Variants in RGS22 observed in about 807,000 individuals in gnomAD.
RGS22 encodes the protein regulator of G protein signaling 22.
Under a neutral mutation model 172.9 loss-of-function variants are expected in RGS22, and 148 were observed. The observed-to-expected ratio is 0.86, with a 90% CI of 0.75 to 0.98. RGS22 has a LOEUF of 0.98. Among genes scored for constraint, RGS22 ranks in the 50% least tolerant of loss-of-function variants. RGS22 has a pLI of 0.00. For missense variants in RGS22, 1,347 were observed against 1,440.8 expected (o/e 0.93, Z 1.05); for synonymous variants, 458 against 480.2 (o/e 0.95, Z 0.60).
chr8:99,972,482 A>G (rs1410893901), intron 23 of RGS22, among the ~76,000 whole-genome samples: 2 of 152,208 alleles, frequency 1.3e-5, no homozygotes, highest in Non-Finnish European at 2.9e-5. Flanking sequence ...GATTGGGAGA[A>G]AGTTTATGCA....
intron 3 of RGS22, among the ~76,000 whole-genome samples, chr8:100,091,292 T>C (rs1180817417): frequency 3.3e-4 from 44 of 132,818 alleles, no homozygotes; most frequent in Non-Finnish European, 4.8e-5. Context: ...CAAGAGGAAC[T>C]CCAAAAAAAA....
chr8:99,996,107 G>GT (rs1227221485), intron 20 of RGS22, among the ~76,000 whole-genome samples: 1 of 124,710 alleles, frequency 8.0e-6, no homozygotes, highest in African/African-American at 3.0e-5. Flanking sequence ...ACTGGGGCCT[G>GT]TTGGGGGGTG....
At chr8:100,019,950 TCTCGGCTCACCGCAA>T in intron 14 of RGS22, among the ~76,000 whole-genome samples, 1 of 28,234 alleles carries the variant, frequency 3.5e-5, no homozygotes. Context: ...AATGGTGCAA[TCTCGGCTCACCGCAA>T]CCTCCGTCTC....
intron 2 of RGS22, among the ~76,000 whole-genome samples, chr8:100,098,828 C>A (rs1261088677): frequency 2.0e-5 from 2 of 98,584 alleles, no homozygotes; most frequent in East Asian, 2.8e-4. Flanking sequence ...CTGCCCCTGA[C>A]CCCCTTTTAT....
intron 18 of RGS22, among the ~76,000 whole-genome samples, chr8:100,001,160 C>A (rs991521123): frequency 6.9e-6 from 1 of 145,154 alleles, no homozygotes; most frequent in Admixed American, 6.9e-5. Flanking sequence ...ATTTCATGAG[C>A]AGTGTTACAT....
intron 2 of RGS22, among the ~76,000 whole-genome samples, chr8:100,095,055 G>A (rs1212092843): frequency 2.0e-5 from 3 of 152,172 alleles, no homozygotes; most frequent in Non-Finnish European, 2.9e-5. Flanking sequence ...CCTGGTGGAC[G>A]TAAGTATTGC....
chr8:100,001,186 G>A (rs1054372067), intron 18 of RGS22, among the ~76,000 whole-genome samples: 8 of 101,132 alleles, frequency 7.9e-5, no homozygotes, highest in Admixed American at 9.3e-5. Context: ...CAAACCTACC[G>A]CTGAATCCCA....
rs529511396 is a variant in RGS22 at position 100,062,621 on chromosome 8, G to A, written c.1484C>T (p.Ser495Phe). The A allele has an allele frequency of 5.5e-4, 888 of 1,603,912 alleles. 13 individuals carry two copies. The South Asian group carries it at 9.1e-3, about 16-fold the overall frequency. Residue 495 changes from serine (S) to phenylalanine (F), a missense_variant, in exon 9 of 28, where the codon TCT becomes TTT. By Grantham distance (155) the Ser-to-Phe change is radical (BLOSUM62 -2). Coordinates refer to ENST00000360863, the MANE Select transcript of RGS22 (RefSeq NM_015668.5). ...CAGAAGTAAAGGTTTTAAAACTTCA[G>A]ACTGAATATTTCTTAAATGCTCTTC... ...WNEEHLRNIQ[S>F]EVLKPLLLYW...
At chr8:100,069,769 G>A (rs990046299) in intron 6 of RGS22, among the ~76,000 whole-genome samples, 30 of 152,154 alleles carry the variant, frequency 2.0e-4, no homozygotes, top group African/African-American at 6.5e-4. Flanking sequence ...TCAGACACGA[G>A]GATAATATTT....
intron 19 of RGS22, among the ~76,000 whole-genome samples, chr8:99,997,674 T>C (rs1272002418): frequency 6.6e-6 from 1 of 152,200 alleles, no homozygotes; most frequent in African/African-American, 2.4e-5. Context: ...AGTCCAAAAC[T>C]GCATGTTTTC....
chr8:100,059,066 C>T (rs940297897), intron 9 of RGS22, among the ~76,000 whole-genome samples: 1 of 152,072 alleles, frequency 6.6e-6, no homozygotes, highest in Non-Finnish European at 1.5e-5. Flanking sequence ...GTGTTAAGTT[C>T]TCATCAGGTT....
At chr8:99,968,565 C>T (rs761584524) in intron 23 of RGS22, among the ~76,000 whole-genome samples, 4 of 151,842 alleles carry the variant, frequency 2.6e-5, no homozygotes, top group Non-Finnish European at 5.9e-5. Context: ...AAAAACACAG[C>T]ACAAGAACTT....
chr8:100,020,155 A>T (rs763222535), intron 14 of RGS22, among the ~76,000 whole-genome samples: 3 of 152,108 alleles, frequency 2.0e-5, no homozygotes, highest in Non-Finnish European at 4.4e-5. Context: ...AAGTGCTGGG[A>T]TTACAGGTGT....
intron 3 of RGS22, among the ~76,000 whole-genome samples, chr8:100,091,292 TC>T (rs57955860): frequency 0.17 from 22,322 of 132,686 alleles, 2,263 homozygotes; most frequent in African/African-American, 0.31. Flanking sequence ...CAAGAGGAAC[TC>T]CAAAAAAAAA....
chr8:100,004,222 A>T, intron 16 of RGS22, 124 bp from the exon 17 acceptor site: 1 of 1,174,638 alleles, frequency 8.5e-7, no homozygotes, highest in Non-Finnish European at 1.1e-6. Context: ...TCAATGGCAG[A>T]GTGGGTAAAG....
intron 9 of RGS22, among the ~76,000 whole-genome samples, chr8:100,061,001 A>C (rs1810092139): frequency 6.6e-6 from 1 of 152,210 alleles, no homozygotes; most frequent in Non-Finnish European, 1.5e-5. Flanking sequence ...GAGAATGCAG[A>C]AATAAGACCA....
intron 10 of RGS22, among the ~76,000 whole-genome samples, chr8:100,052,434 T>C (rs1370520386): frequency 6.6e-6 from 1 of 151,294 alleles, no homozygotes; most frequent in Non-Finnish European, 1.5e-5. Context: ...CCCGAGTAGC[T>C]GGGACTACAG....
chr8:100,045,653 A>G (rs1820640175), intron 11 of RGS22, among the ~76,000 whole-genome samples: 1 of 151,896 alleles, frequency 6.6e-6, no homozygotes, highest in Non-Finnish European at 1.5e-5. Flanking sequence ...GATATTATCT[A>G]GCAAAATTTA....
chr8:100,043,065 C>G (rs2131614336), intron 11 of RGS22, among the ~76,000 whole-genome samples: 1 of 152,308 alleles, frequency 6.6e-6, no homozygotes, highest in East Asian at 1.9e-4. Context: ...GATTCAGGCC[C>G]TAATCTTTCT....
Sources: gnomAD v4.1 joint callset for allele counts (sites outside exome capture counted in the v4.1 genomes callset) on GRCh38, gnomAD v4.1.1 for gene constraint, MANE v1.5 for transcripts, NCBI Gene and HGNC (gene_info 2026-07-23, HGNC 2026-07-21) for gene names.